The following ATRN variants were observed in gnomAD, a reference collection of about 807,000 sequenced individuals.
The protein encoded by ATRN is attractin-2.
A neutral mutation model predicts 178.7 loss-of-function variants in ATRN; 54 were observed. That is an observed-to-expected ratio of 0.30 (90% CI 0.24 to 0.38). ATRN has a LOEUF of 0.38. ATRN is among the 10% of genes least tolerant of loss of function. The pLI is 1.00. For missense variants in ATRN, 1,443 were observed against 1,815.1 expected (o/e 0.79, Z 3.73); for synonymous variants, 636 against 663.0 (o/e 0.96, Z 0.63).
At chr20:3,502,951 C>T (rs1480931482) in intron 1 of ATRN, among the ~76,000 whole-genome samples, 1 of 152,102 alleles carries the variant, frequency 6.6e-6, no homozygotes, top group Non-Finnish European at 1.5e-5. Context: ...TACAGAAGAC[C>T]TCTTTGTCTC....
intron 2 of ATRN, among the ~76,000 whole-genome samples, chr20:3,537,563 C>G (rs1440676368): frequency 1.3e-5 from 2 of 149,774 alleles, no homozygotes; most frequent in Non-Finnish European, 3.0e-5. Context: ...GCACAACGTG[C>G]AGGTTTGTTA....
At chr20:3,583,811 A>C in intron 16 of ATRN, 87 bp from the exon 17 acceptor site, 1 of 1,404,498 alleles carries the variant, frequency 7.1e-7, no homozygotes. Context: ...CGTCTCAAAA[A>C]AAAAAAAGAA....
intron 1 of ATRN, among the ~76,000 whole-genome samples, chr20:3,534,928 G>A (rs768302064): frequency 5.3e-5 from 8 of 152,154 alleles, no homozygotes; most frequent in East Asian, 1.9e-4. Context: ...GCAACATAGC[G>A]AGACCTGTCT....
intron 18 of ATRN, 82 bp from the exon 19 acceptor site, chr20:3,591,087 A>G: frequency 7.4e-7 from 1 of 1,343,248 alleles, no homozygotes. Context: ...AACTACAGAG[A>G]TAGTTGCAGA....
intron 1 of ATRN, among the ~76,000 whole-genome samples, chr20:3,478,344 A>G (rs1416289377): frequency 6.6e-6 from 1 of 152,192 alleles, no homozygotes; most frequent in East Asian, 1.9e-4. Context: ...GATAAAGAAA[A>G]TGTGGCACAT....
At chr20:3,579,973 A>G (rs1379229911) in intron 15 of ATRN, among the ~76,000 whole-genome samples, 3 of 152,086 alleles carry the variant, frequency 2.0e-5, no homozygotes, top group East Asian at 3.9e-4. Context: ...TTTCAGTGCA[A>G]CTTAGATGGG....
In ATRN at chr20:3,471,124, C is replaced by A; in HGVS notation, c.17C>A (p.Ala6Glu). 5 of 1,511,436 alleles carry A rather than the reference C, an allele frequency of 3.3e-6. No homozygotes were observed. Among genetic ancestry groups the A allele is most frequent in the Non-Finnish European group, 4.4e-6 (5 of 1,136,562 alleles). 93.6% of individuals were successfully genotyped at this position (1,511,436 alleles called of 1,614,324 possible). A position where few individuals can be genotyped will look rare whatever the true frequency, so the allele number is the denominator to read the frequency against. MVAAA[A>E]ATEARLRRRT... Reference sequence around the variant, plus strand: ...CCCGGGAAGATGGTGGCTGCAGCGGCGGCAACTGAGGCAAGGCTGAGGAGG... The same window carrying A: ...CCCGGGAAGATGGTGGCTGCAGCGGAGGCAACTGAGGCAAGGCTGAGGAGG... The change falls in exon 1 of 29, where the codon GCG (alanine) becomes GAG (glutamate). Residue 6 changes from alanine (A) to glutamate (E), a missense_variant. This residue lies in a region of ATRN where 862 missense variants were observed against 972.1 expected (regional missense o/e 0.89). Coordinates refer to ENST00000262919, the MANE Select transcript of ATRN (RefSeq NM_139321.3).
chr20:3,628,513 C>T (rs577547697), intron 25 of ATRN, among the ~76,000 whole-genome samples: 5 of 152,250 alleles, frequency 3.3e-5, no homozygotes, highest in Admixed American at 6.5e-5. Context: ...GATGAAATGT[C>T]GTGCCATCCT....
chr20:3,625,129 G>A (rs1207696114), intron 25 of ATRN, among the ~76,000 whole-genome samples: 1 of 152,128 alleles, frequency 6.6e-6, no homozygotes, highest in Non-Finnish European at 1.5e-5. Context: ...GCAATAGCCT[G>A]CCTTGCGCCT....
At chr20:3,561,356 C>G (rs1222614456) in intron 8 of ATRN, among the ~76,000 whole-genome samples, 1 of 151,862 alleles carries the variant, frequency 6.6e-6, no homozygotes, top group Non-Finnish European at 1.5e-5. Flanking sequence ...ACAAAAGCAA[C>G]ATAGTTAACA....
chr20:3,636,453 A>G (rs960693908), intron 26 of ATRN, among the ~76,000 whole-genome samples: 1 of 152,230 alleles, frequency 6.6e-6, no homozygotes, highest in Non-Finnish European at 1.5e-5. Flanking sequence ...TCCTAATTTG[A>G]AAACAAAACT....
chr20:3,516,198 A>G (rs1306672463), intron 1 of ATRN, among the ~76,000 whole-genome samples: 1 of 152,218 alleles, frequency 6.6e-6, no homozygotes, highest in Admixed American at 6.5e-5. Context: ...TGAATTGACC[A>G]GGGAAATGAA....
intron 22 of ATRN, among the ~76,000 whole-genome samples, chr20:3,598,800 A>ACTTC: frequency 6.6e-6 from 1 of 152,172 alleles, no homozygotes; most frequent in Non-Finnish European, 1.5e-5. Flanking sequence ...TTATTTAGGA[A>ACTTC]CTTCCTTGGA....
chr20:3,644,457 C>T lies in ATRN; in HGVS notation c.4165+189C>T, dbSNP rs559829877. Among the ~76,000 whole-genome samples, 12 of 152,362 alleles carry T rather than the reference C, an allele frequency of 7.9e-5. No homozygotes were observed. In the South Asian group the frequency reaches 1.9e-3, roughly 24 times the overall value. ...CCCAAAACTGTTTTCCCGAGGTCAT[C>T]GTCCCTTCCTGGGGGGACGTCCCGG... is the stretch of plus-strand genomic sequence containing the variant. On this transcript the variant is annotated intron_variant, in intron 28 of 28. Transcript: ENST00000262919.
chr20:3,500,695 G>A (rs1207305749), intron 1 of ATRN, among the ~76,000 whole-genome samples: 1 of 119,954 alleles, frequency 8.3e-6, no homozygotes, highest in Admixed American at 9.8e-5. Context: ...GTGGGGTGGG[G>A]GGAGGGGGGA....
intron 1 of ATRN, among the ~76,000 whole-genome samples, chr20:3,494,591 A>G (rs1457818703): frequency 1.3e-5 from 2 of 152,192 alleles, no homozygotes; most frequent in East Asian, 1.9e-4. Context: ...GGCTGAATGA[A>G]TGGAGGTGAA....
chr20:3,629,287 G>A (rs374978242), intron 25 of ATRN: 47 of 985,170 alleles, frequency 4.8e-5, no homozygotes, highest in Middle Eastern at 5.2e-4. Context: ...AAAATTCAGC[G>A]TCCTGGGTGA....
At position 3,562,359 on chromosome 20, in the gene ATRN, A is replaced by T; in HGVS notation, c.1531A>T (p.Thr511Ser). ...CCATAGCAGTGTTTACGACCATAGGACCAGGGCCCTATACGTTCATGGTGG... is the reference window on the plus strand; with the variant it reads ...CCATAGCAGTGTTTACGACCATAGGTCCAGGGCCCTATACGTTCATGGTGG... ...YGHSSVYDHR[T>S]RALYVHGGYK... Residue 511 changes from threonine (T) to serine (S), a missense_variant, in exon 9 of 29, where the codon ACC (threonine) becomes TCC (serine). Coordinates refer to ENST00000262919, the MANE Select transcript of ATRN (RefSeq NM_139321.3). The T allele has an allele frequency of 6.2e-7, 1 of 1,613,998 alleles. No homozygotes were observed. Among genetic ancestry groups the T allele is most frequent in the Non-Finnish European group, 8.5e-7 (1 of 1,179,920 alleles).
intron 2 of ATRN, among the ~76,000 whole-genome samples, chr20:3,538,624 C>T (rs1026633701): frequency 1.3e-5 from 2 of 152,174 alleles, no homozygotes; most frequent in Non-Finnish European, 2.9e-5. Context: ...TCTCATTCCC[C>T]CTTTTCCTTA....
Sources: allele counts gnomAD v4.1 joint callset (sites outside exome capture counted in the v4.1 genomes callset), GRCh38; gene constraint gnomAD v4.1.1; regional missense constraint gnomAD v4.1.1; transcripts MANE v1.5; gene names NCBI Gene and HGNC (gene_info 2026-07-23, HGNC 2026-07-21).